The following ATP9B variants were observed in gnomAD, a reference collection of about 807,000 sequenced individuals.
The protein encoded by ATP9B is probable phospholipid-transporting ATPase IIB.
ATP9B carries 110 observed loss-of-function variants against 146.1 expected under a neutral mutation model. The observed-to-expected ratio is 0.75, with a 90% CI of 0.65 to 0.88. The LOEUF (loss-of-function observed/expected upper bound fraction) is 0.88. Ranked by LOEUF, ATP9B falls within the 40% of genes least tolerant of loss-of-function variation. The pLI, the probability that ATP9B is intolerant of heterozygous loss-of-function variation, is 0.00. For missense variants in ATP9B, 1,499 were observed against 1,496.4 expected (o/e 1.00, Z -0.03); for synonymous variants, 604 against 569.7 (o/e 1.06, Z -0.86).
At chr18:79,318,189 T>G (rs2096692925) in intron 15 of ATP9B, among the ~76,000 whole-genome samples, 2 of 152,254 alleles carry the variant, frequency 1.3e-5, no homozygotes, top group African/African-American at 4.8e-5. Flanking sequence ...GGAGCATAAT[T>G]CCTCTTCCTT....
At chr18:79,118,544 A>G (rs2094134018) in intron 4 of ATP9B, among the ~76,000 whole-genome samples, 1 of 151,068 alleles carries the variant, frequency 6.6e-6, no homozygotes, top group Non-Finnish European at 1.5e-5. Flanking sequence ...GGGACTACAG[A>G]TACCTGCCAC....
chr18:79,292,102 G>A (rs774397162), intron 13 of ATP9B, among the ~76,000 whole-genome samples: 6 of 152,166 alleles, frequency 3.9e-5, no homozygotes, highest in East Asian at 1.9e-4. Context: ...ATATTCCATC[G>A]TGTGGATACA....
chr18:79,161,575 A>G (rs2147747794), intron 7 of ATP9B, among the ~76,000 whole-genome samples: 1 of 152,300 alleles, frequency 6.6e-6, no homozygotes, highest in African/African-American at 2.4e-5. Flanking sequence ...AGGGCTGGGC[A>G]CGGTGGCTCA....
chr18:79,214,082 C>A, intron 11 of ATP9B, 44 bp downstream of exon 11: 1 of 1,427,634 alleles, frequency 7.0e-7, no homozygotes, highest in Admixed American at 2.2e-5. Flanking sequence ...ACTTATTTTT[C>A]CTTTCAGTAA....
intron 15 of ATP9B, among the ~76,000 whole-genome samples, chr18:79,315,311 T>C (rs62096762): frequency 5.3e-5 from 8 of 152,214 alleles, no homozygotes; most frequent in Non-Finnish European, 7.4e-5. Flanking sequence ...GATATATTTG[T>C]GAGGAGCAAA....
At chr18:79,125,812 A>C (rs534364733) in intron 4 of ATP9B, among the ~76,000 whole-genome samples, 8 of 152,208 alleles carry the variant, frequency 5.3e-5, no homozygotes, top group Non-Finnish European at 1.2e-4. Context: ...CTATGTAAGA[A>C]AATCGATGTG....
intron 9 of ATP9B, among the ~76,000 whole-genome samples, chr18:79,197,869 T>G (rs1263285801): frequency 6.6e-6 from 1 of 152,186 alleles, no homozygotes; most frequent in Non-Finnish European, 1.5e-5. Context: ...ATAGAACTAA[T>G]AGGCAACATA....
At chr18:79,274,843 A>G (rs566520934) in intron 12 of ATP9B, among the ~76,000 whole-genome samples, 1 of 152,346 alleles carries the variant, frequency 6.6e-6, no homozygotes, top group East Asian at 1.9e-4. Context: ...AGTGGTAATT[A>G]TTATATTCCA....
chr18:79,227,390 CATGGATGGGTGG>C lies in ATP9B; in HGVS notation c.1107+13365_1107+13376del, dbSNP rs1287567625. On this transcript the variant is annotated intron_variant, in intron 11 of 29. Coordinates refer to ENST00000426216, the MANE Select transcript of ATP9B (RefSeq NM_198531.5). ...TCAGGCCGCGTGTGTGTGTGAATTG[CATGGATGGGTGG>C]ATGGATGGGTGGGCGGGTGGGTGGA... 1.4e-4 allele frequency among the ~76,000 whole-genome samples: 10 copies of C among 73,886 alleles called. No individual in the cohort carries two copies. The South Asian group carries it at 4.9e-3, about 36-fold the overall frequency. The allele number at this position is 73,886 out of a possible 152,430, so 48.5% of individuals were successfully genotyped here. A position where few individuals can be genotyped will look rare whatever the true frequency, so the allele number is the denominator to read the frequency against.
chr18:79,264,070 G>T (rs1053956282), intron 12 of ATP9B, among the ~76,000 whole-genome samples: 2 of 152,090 alleles, frequency 1.3e-5, no homozygotes, highest in African/African-American at 4.8e-5. Context: ...AGGCGACAGT[G>T]TAAGACTCTG....
intron 13 of ATP9B, among the ~76,000 whole-genome samples, chr18:79,279,786 A>G (rs2096356906): frequency 6.6e-6 from 1 of 152,248 alleles, no homozygotes; most frequent in Admixed American, 6.5e-5. Context: ...AGCATAATAA[A>G]GAGATATCAT....
intron 9 of ATP9B, chr18:79,194,278 G>A (rs1453481317): frequency 6.6e-6 from 1 of 152,168 alleles, no homozygotes; most frequent in African/African-American, 2.4e-5. Flanking sequence ...TAAGATAAAT[G>A]AAAAGGTATT....
intron 6 of ATP9B, among the ~76,000 whole-genome samples, chr18:79,150,663 G>A (rs983737255): frequency 6.6e-6 from 1 of 152,068 alleles, no homozygotes; most frequent in African/African-American, 2.4e-5. Flanking sequence ...GACAGAATAA[G>A]GACATAAAGA....
chr18:79,356,607 G>C (rs1184632710), intron 25 of ATP9B, among the ~76,000 whole-genome samples: 2 of 152,242 alleles, frequency 1.3e-5, no homozygotes, highest in African/African-American at 4.8e-5. Flanking sequence ...GAATTGCGCT[G>C]TGTAAAAGAC....
chr18:79,346,048 C>T (rs2096884589), intron 23 of ATP9B, among the ~76,000 whole-genome samples: 1 of 151,816 alleles, frequency 6.6e-6, no homozygotes, highest in East Asian at 1.9e-4. Flanking sequence ...ACACTCGGTA[C>T]ACGCTCGGTC....
intron 1 of ATP9B, among the ~76,000 whole-genome samples, chr18:79,071,593 C>T (rs2071835317): frequency 6.6e-6 from 1 of 151,624 alleles, no homozygotes; most frequent in Non-Finnish European, 1.5e-5. Flanking sequence ...GCTATATTGC[C>T]CAACTGGTCT....
At position 79,377,653 on chromosome 18, in the gene ATP9B, A is replaced by T. The variant is rs2148074710; in HGVS notation, c.*270A>T. 1 of 488,660 alleles carries T rather than the reference A, an allele frequency of 2.0e-6. No individual in the cohort carries two copies. Among genetic ancestry groups the T allele is most frequent in the Non-Finnish European group, 3.7e-6 (1 of 269,774 alleles). 30.3% of individuals were successfully genotyped at this position (488,660 alleles called of 1,614,324 possible). A position where few individuals can be genotyped will look rare whatever the true frequency, so the allele number is the denominator to read the frequency against. On this transcript the variant is annotated 3_prime_UTR_variant, in exon 30 of 30. Transcript: ENST00000426216. Reference sequence around the variant, plus strand: ...GGCTTCACCCCTGCCAGGCAAGCCCAGGGCATAGATGCTGAGACAGCCTCT... The same window carrying T: ...GGCTTCACCCCTGCCAGGCAAGCCCTGGGCATAGATGCTGAGACAGCCTCT...
intron 23 of ATP9B, 38 bp downstream of exon 23, chr18:79,345,877 C>A: frequency 1.2e-6 from 2 of 1,607,532 alleles, no homozygotes; most frequent in South Asian, 2.2e-5. Flanking sequence ...AGCACACAGT[C>A]AGCACACATC....
chr18:79,074,140 T>G (rs545047404), intron 1 of ATP9B, among the ~76,000 whole-genome samples: 1 of 152,222 alleles, frequency 6.6e-6, no homozygotes, highest in East Asian at 1.9e-4. Context: ...ATCTTTGGTC[T>G]GCTTGGTTTA....
Sources: allele counts gnomAD v4.1 joint callset (sites outside exome capture counted in the v4.1 genomes callset), GRCh38; gene constraint gnomAD v4.1.1; transcripts MANE v1.5; gene names NCBI Gene and HGNC (gene_info 2026-07-23, HGNC 2026-07-21).